The following PAGE2B variants were observed in gnomAD, a reference collection of about 807,000 sequenced individuals.
PAGE2B encodes PAGE family member 2B, also known as putative G antigen family E member 3.
PAGE2B carries 5 observed loss-of-function variants against 7.6 expected under a neutral mutation model. The ratio of observed to expected loss-of-function variants is 0.66; its 90% CI spans 0.34 to 1.38. The LOEUF is 1.38. Among genes scored for constraint, PAGE2B ranks in the 40% most tolerant of loss-of-function variants. PAGE2B has a pLI of 0.04. For synonymous variants in PAGE2B, 29 were observed against 26.7 expected (o/e 1.09, Z -0.27); for missense variants, 70 against 78.4 (o/e 0.89, Z 0.41).
chrX:55,069,534 G>C, the PAGE2B span, among the ~76,000 whole-genome samples: 20 of 110,642 alleles, frequency 1.8e-4, no homozygotes, highest in Non-Finnish European at 3.8e-5. Context: ...CCAGGCTTTG[G>C]TATCAGGATG....
chrX:55,043,346 A>G, the PAGE2B span, among the ~76,000 whole-genome samples: 1 of 112,095 alleles, frequency 8.9e-6, no homozygotes, highest in East Asian at 2.8e-4. Context: ...ATGCAACTTA[A>G]TTAAACTAAA....
At chrX:55,036,429 C>T in the PAGE2B span, among the ~76,000 whole-genome samples, 5 of 111,209 alleles carry the variant, frequency 4.5e-5, no homozygotes, top group African/African-American at 1.6e-4. Flanking sequence ...ATGATACTGG[C>T]TGTGGGTTTG....
the PAGE2B span, among the ~76,000 whole-genome samples, chrX:55,038,325 A>G: frequency 5.4e-3 from 603 of 112,195 alleles, 5 homozygotes; most frequent in African/African-American, 0.019. Context: ...GAAATTTTTA[A>G]AGCACCCATC....
chrX:55,056,401 G>A, the PAGE2B span, among the ~76,000 whole-genome samples: 1 of 110,936 alleles, frequency 9.0e-6, no homozygotes, highest in African/African-American at 3.3e-5. Context: ...CTTGAACTTC[G>A]TAGCAACCAA....
the PAGE2B span, among the ~76,000 whole-genome samples, chrX:55,056,856 A>G: frequency 0.39 from 42,551 of 110,100 alleles, 6,946 homozygotes; most frequent in Middle Eastern, 0.61. Flanking sequence ...CCTTTTGCCT[A>G]TGATTAATAA....
chrX:55,038,081 A>G, the PAGE2B span, among the ~76,000 whole-genome samples: 16 of 110,435 alleles, frequency 1.4e-4, no homozygotes, highest in Admixed American at 1.9e-4. Context: ...AAAAAGAAAA[A>G]CTGCAAGATG....
chrX:55,061,124 T>G, the PAGE2B span, among the ~76,000 whole-genome samples: 1 of 111,166 alleles, frequency 9.0e-6, no homozygotes, highest in African/African-American at 3.3e-5. Context: ...GCTCCAAATA[T>G]TCTATAAAAT....
the PAGE2B span, among the ~76,000 whole-genome samples, chrX:55,051,128 A>G: frequency 9.0e-6 from 1 of 111,627 alleles, no homozygotes; most frequent in Non-Finnish European, 1.9e-5. Context: ...AGAATGTTGA[A>G]TATCGGCCCC....
chrX:55,043,497 A>G, the PAGE2B span, among the ~76,000 whole-genome samples: 2 of 111,209 alleles, frequency 1.8e-5, no homozygotes, highest in Non-Finnish European at 3.8e-5. Context: ...AGCAAGAAAA[A>G]AAAAAATCCC....
the PAGE2B span, among the ~76,000 whole-genome samples, chrX:55,041,226 C>T: frequency 3.7e-5 from 4 of 107,700 alleles, no homozygotes; most frequent in Admixed American, 2.0e-4. Flanking sequence ...GGACTACAGG[C>T]GCCTGCCACC....
chrX:55,028,922 A>G, the PAGE2B span, among the ~76,000 whole-genome samples: 1 of 111,752 alleles, frequency 8.9e-6, no homozygotes, highest in African/African-American at 3.3e-5. Context: ...GGGACCTTAG[A>G]AAAGTCACTT....
At chrX:55,037,879 C>T in the PAGE2B span, among the ~76,000 whole-genome samples, 1 of 79,668 alleles carries the variant, frequency 1.3e-5, no homozygotes, top group East Asian at 4.0e-4. Context: ...GGAAGGGGAA[C>T]ATCACACACT....
rs367807556 is a variant in PAGE2B at position 55,076,124 on chromosome X, T to G, written c.83T>G (p.Ile28Ser). ...QESSQPVGSVIVQEPTEEKRQ... is the reference protein window; with the variant it reads ...QESSQPVGSVSVQEPTEEKRQ... ...TCTTCCCAGCCAGTTGGATCTGTGATTGTGAGTCCTTTAACATTTGATGTT... is the reference window on the plus strand; with the variant it reads ...TCTTCCCAGCCAGTTGGATCTGTGAGTGTGAGTCCTTTAACATTTGATGTT... Residue 28 changes from isoleucine (I) to serine (S), a missense_variant and splice_region_variant, in exon 2 of 5, where the codon ATT becomes AGT. Coordinates refer to ENST00000374971, the MANE Select transcript of PAGE2B (RefSeq NM_001015038.3). 8.3e-7 allele frequency: 1 copy of G among 1,199,338 alleles called. No individual in the cohort carries two copies. Among genetic ancestry groups the G allele is most frequent in the African/African-American group, 1.8e-5 (1 of 56,651 alleles).
the PAGE2B span, among the ~76,000 whole-genome samples, chrX:55,039,759 G>C: frequency 3.6e-5 from 4 of 111,692 alleles, no homozygotes; most frequent in Non-Finnish European, 5.6e-5. Context: ...GAGGAAACCT[G>C]GTCTTAGAGA....
At chrX:55,041,595 G>C in the PAGE2B span, among the ~76,000 whole-genome samples, 3 of 111,919 alleles carry the variant, frequency 2.7e-5, no homozygotes, top group Non-Finnish European at 5.6e-5. Context: ...GAAGGCATGG[G>C]CAAGGCAAGT....
chrX:55,052,163 T>A, the PAGE2B span, among the ~76,000 whole-genome samples: 1 of 111,592 alleles, frequency 9.0e-6, no homozygotes, highest in Non-Finnish European at 1.9e-5. Context: ...TGATCGTTCC[T>A]CTGAAAGTTT....
intron 1 of PAGE2B, 142 bp from the exon 2 acceptor site, chrX:55,075,892 G>A: frequency 7.0e-6 from 4 of 573,767 alleles, no homozygotes; most frequent in Non-Finnish European, 1.1e-5. Context: ...TGGAAAGCGT[G>A]GGTACTTATC....
At chrX:55,040,248 C>G in the PAGE2B span, among the ~76,000 whole-genome samples, 1 of 110,082 alleles carries the variant, frequency 9.1e-6, no homozygotes, top group Non-Finnish European at 1.9e-5. Flanking sequence ...ACCATTAACT[C>G]GTCATTTACA....
the PAGE2B span, among the ~76,000 whole-genome samples, chrX:55,052,846 C>T: frequency 8.9e-6 from 1 of 112,878 alleles, no homozygotes; most frequent in African/African-American, 3.2e-5. Context: ...AACCCAGTAC[C>T]TCAGTTGGAA....
Sources: allele counts gnomAD v4.1 joint callset (sites outside exome capture counted in the v4.1 genomes callset), GRCh38; gene constraint gnomAD v4.1.1; transcripts MANE v1.5; gene names NCBI Gene and HGNC (gene_info 2026-07-23, HGNC 2026-07-21).